The following TET3 variants were observed in gnomAD, a reference collection of about 807,000 sequenced individuals.
TET3 encodes the protein methylcytosine dioxygenase TET3.
A neutral mutation model predicts 141.4 loss-of-function variants in TET3; 19 were observed. The observed-to-expected ratio is 0.13, with a 90% CI of 0.09 to 0.20. The LOEUF (loss-of-function observed/expected upper bound fraction) is 0.20, where lower values mean the gene tolerates loss of function less well. Among genes scored for constraint, TET3 ranks in the 10% least tolerant of loss-of-function variants. The pLI, the probability that TET3 is intolerant of heterozygous loss-of-function variation, is 1.00. For missense variants in TET3, 1,874 were observed against 2,356.9 expected (o/e 0.80, Z 4.24); for synonymous variants, 1,043 against 980.9 (o/e 1.06, Z -1.18).
rs1277777640 is a variant in TET3 at position 74,105,474 on chromosome 2, A to C, written c.*3298A>C. 2.5e-6 allele frequency: 1 copy of C among 398,036 alleles called. No individual in the cohort carries two copies. Among genetic ancestry groups the C allele is most frequent in the Non-Finnish European group, 4.4e-6 (1 of 226,062 alleles). The allele number at this position is 398,036 out of a possible 1,614,324, so 24.7% of individuals were successfully genotyped here. A position where few individuals can be genotyped will look rare whatever the true frequency, so the allele number is the denominator to read the frequency against. Reference sequence around the variant, plus strand: ...TCTGACCATCAGAAATCTTGACTAAAGGTGTTGCATGGATTTGGGGGTCTT... The same window carrying C: ...TCTGACCATCAGAAATCTTGACTAACGGTGTTGCATGGATTTGGGGGTCTT... On this transcript the variant is annotated 3_prime_UTR_variant, in exon 12 of 12. Transcript: ENST00000409262.
chr2:73,989,313 A>G (rs972882635), intron 2 of TET3, among the ~76,000 whole-genome samples: 2 of 152,076 alleles, frequency 1.3e-5, no homozygotes, highest in Non-Finnish European at 2.9e-5. Context: ...ACATCAGACC[A>G]TTTACCTGCA....
chr2:74,097,315 G>T (rs935654632), intron 10 of TET3, among the ~76,000 whole-genome samples: 1 of 151,522 alleles, frequency 6.6e-6, no homozygotes, highest in African/African-American at 2.4e-5. Context: ...TATTTGTAAC[G>T]TGATAAAGAA....
chr2:74,080,516 A>G lies in TET3; in HGVS notation c.2604A>G (p.Lys868=). ...TCTTCAGGTATGGAGAGAAGGGGAAAGCCATCCGGATCGAGAAGGTCATCT... is the reference window on the plus strand; with the variant it reads ...TCTTCAGGTATGGAGAGAAGGGGAAGGCCATCCGGATCGAGAAGGTCATCT... ...LMEERYGEKG[K]AIRIEKVIYT... The change falls in exon 6 of 12, where the codon AAA becomes AAG. Residue 868 remains lysine, a synonymous_variant. Coordinates refer to ENST00000409262, the MANE Select transcript of TET3 (RefSeq NM_001287491.2). 6.2e-7 allele frequency: 1 copy of G among 1,612,858 alleles called. No individual in the cohort carries two copies. Among genetic ancestry groups the G allele is most frequent in the Non-Finnish European group, 8.5e-7 (1 of 1,179,450 alleles).
the TET3 span, chr2:74,134,915 T>C: frequency 5.4e-6 from 2 of 372,396 alleles, no homozygotes; most frequent in African/African-American, 4.2e-5. Flanking sequence ...TCGGTGTGAC[T>C]TGCTCCCAAG....
downstream of TET3, among the ~76,000 whole-genome samples, chr2:74,109,999 A>AATG (rs1362577850): frequency 2.0e-5 from 3 of 152,216 alleles, no homozygotes; most frequent in Non-Finnish European, 4.4e-5. Context: ...AAGACAGGCT[A>AATG]ATGATACCAC....
chr2:74,117,702 T>C, the TET3 span, among the ~76,000 whole-genome samples: 2 of 152,196 alleles, frequency 1.3e-5, no homozygotes, highest in African/African-American at 2.4e-5. Context: ...TACAGGTAGA[T>C]ATTAGTCTAT....
At chr2:74,108,973 T>A (rs1261556941), downstream of TET3, among the ~76,000 whole-genome samples, 1 of 152,186 alleles carries the variant, frequency 6.6e-6, no homozygotes, top group African/African-American at 2.4e-5. Flanking sequence ...CCATTTTACT[T>A]TGCTTGCAAA....
chr2:74,026,325 C>T (rs1415822068), intron 3 of TET3, among the ~76,000 whole-genome samples: 3 of 152,160 alleles, frequency 2.0e-5, no homozygotes, highest in East Asian at 1.9e-4. Flanking sequence ...GTAACACCCT[C>T]GGTTTGGGGA....
chr2:74,076,344 C>T (rs1037949430), intron 5 of TET3, among the ~76,000 whole-genome samples: 1 of 151,178 alleles, frequency 6.6e-6, no homozygotes, highest in Admixed American at 6.6e-5. Flanking sequence ...TTTACGTTGC[C>T]TGCTAGTAAA....
At chr2:73,984,173 C>T (rs779352328), upstream of TET3, among the ~76,000 whole-genome samples, 3 of 152,256 alleles carry the variant, frequency 2.0e-5, no homozygotes, top group Non-Finnish European at 4.4e-5. This position sits in a 1 kb window ranked among gnomAD's most constrained non-coding sequence, Gnocchi z 5.6. Flanking sequence ...AGTTACCCTC[C>T]GCGACGCGCC....
At chr2:74,072,511 TA>T (rs756082699) in intron 4 of TET3, among the ~76,000 whole-genome samples, 3,091 of 130,770 alleles carry the variant, frequency 0.024, 41 homozygotes, top group African/African-American at 0.054. Context: ...AAACTCCATC[TA>T]AAAAAAAAAA....
chr2:74,002,650 C>T lies in TET3; in HGVS notation c.304-460C>T, dbSNP rs574025760. ...GGCCGCGGGGATTGGCTGGCGAGCG[C>T]GCCGCCCCCTCGCACACCAGCCCCG... On this transcript the variant is annotated intron_variant, in intron 2 of 11. Coordinates refer to ENST00000409262, the MANE Select transcript of TET3 (RefSeq NM_001287491.2). 1.2e-4 allele frequency: 46 copies of T among 378,476 alleles called. No homozygotes were observed. In the East Asian group the frequency reaches 1.6e-3, roughly 13 times the overall value. The allele number at this position is 378,476 out of a possible 1,614,324, so 23.4% of individuals were successfully genotyped here.
At chr2:74,118,107 C>T in the TET3 span, among the ~76,000 whole-genome samples, 8 of 152,326 alleles carry the variant, frequency 5.3e-5, no homozygotes, top group African/African-American at 9.6e-5. Flanking sequence ...ACACCTGTGA[C>T]GCTAATCATC....
chr2:74,047,242 C>G lies in TET3; in HGVS notation c.1325C>G (p.Pro442Arg). The G allele has an allele frequency of 6.2e-7, 1 of 1,614,054 alleles. No homozygotes were observed. Among genetic ancestry groups the G allele is most frequent in the South Asian group, 1.1e-5 (1 of 91,088 alleles). ...EFPEAWGTDT[P>R]PATPRSSWPM... ...CCTGAAGCCTGGGGCACTGACACCC[C>G]TCCAGCAACGCCCCGGAGCTCCTGG... The change falls in exon 4 of 12, where the codon CCT (proline) becomes CGT (arginine). Residue 442 changes from proline (P) to arginine (R), a missense_variant. Around this residue, in one of 10 missense-constraint regions of TET3, gnomAD observed 484 missense variants for 462.2 expected, o/e 1.05. Transcript: ENST00000409262.
chr2:74,053,241 A>AT (rs1688042891), intron 4 of TET3, among the ~76,000 whole-genome samples: 2 of 144,046 alleles, frequency 1.4e-5, no homozygotes, highest in African/African-American at 5.0e-5. Flanking sequence ...CTCATTGGAG[A>AT]GTCCCCCCCC....
At chr2:74,000,909 C>G (rs1018586531) in intron 2 of TET3, among the ~76,000 whole-genome samples, 2 of 152,122 alleles carry the variant, frequency 1.3e-5, no homozygotes, top group African/African-American at 2.4e-5. Flanking sequence ...GCCGCTGCAG[C>G]AACCGTACTA....
the TET3 span, chr2:74,122,283 A>G: frequency 6.6e-6 from 1 of 151,836 alleles, no homozygotes. Flanking sequence ...AGGCAGGCTC[A>G]CACAATCAAG....
At chr2:74,060,244 G>A (rs781113029) in intron 4 of TET3, among the ~76,000 whole-genome samples, 4 of 152,216 alleles carry the variant, frequency 2.6e-5, no homozygotes, top group Non-Finnish European at 5.9e-5. Context: ...CCTAATGAGG[G>A]TGAGCAGTTT....
chr2:74,096,920 T>C (rs546174588), intron 10 of TET3, among the ~76,000 whole-genome samples: 63 of 151,484 alleles, frequency 4.2e-4, no homozygotes, highest in African/African-American at 1.5e-3. Context: ...GGCAAAACCC[T>C]ATCTCTACAA....
Sources: allele counts gnomAD v4.1 joint callset (sites outside exome capture counted in the v4.1 genomes callset), GRCh38; gene constraint gnomAD v4.1.1; regional missense constraint gnomAD v4.1.1; non-coding constraint Gnocchi (gnomAD v3.1); transcripts MANE v1.5; gene names NCBI Gene and HGNC (gene_info 2026-07-23, HGNC 2026-07-21).